Variants in CTNNA3 observed in about 807,000 individuals in gnomAD.
CTNNA3 encodes the protein catenin alpha 3.
Under a neutral mutation model 95.7 loss-of-function variants are expected in CTNNA3, and 76 were observed. The observed-to-expected ratio is 0.79, with a 90% CI of 0.66 to 0.96. The LOEUF is 0.96. Among genes scored for constraint, CTNNA3 ranks in the 40% least tolerant of loss-of-function variants. The pLI, the probability that CTNNA3 is intolerant of heterozygous loss-of-function variation, is 0.00. For synonymous variants in CTNNA3, 431 were observed against 374.4 expected (o/e 1.15, Z -1.74); for missense variants, 1,191 against 1,089.8 (o/e 1.09, Z -1.31).
chr10:66,031,206 G>C (rs1589269860), intron 15 of CTNNA3, among the ~76,000 whole-genome samples: 1 of 152,164 alleles, frequency 6.6e-6, no homozygotes, highest in East Asian at 1.9e-4. Context: ...CTATTATTGG[G>C]TACATGCCCA....
At chr10:66,862,762 A>G (rs757382189) in intron 7 of CTNNA3, among the ~76,000 whole-genome samples, 1 of 152,024 alleles carries the variant, frequency 6.6e-6, no homozygotes, top group Non-Finnish European at 1.5e-5. Flanking sequence ...CAGCTGTTTG[A>G]TCAAATATCA....
chr10:66,069,733 A>G (rs1326808261), intron 14 of CTNNA3, among the ~76,000 whole-genome samples: 1 of 152,172 alleles, frequency 6.6e-6, no homozygotes, highest in Non-Finnish European at 1.5e-5. Context: ...TTGGTGTCCA[A>G]CATACTTAAA....
intron 10 of CTNNA3, among the ~76,000 whole-genome samples, chr10:66,558,159 G>A (rs67575933): frequency 0.047 from 7,187 of 152,114 alleles, 489 homozygotes; most frequent in East Asian, 0.33. Context: ...GGAAAAGGCT[G>A]CAGGTACATT....
chr10:67,671,787 CT>C (rs1366804717), intron 1 of CTNNA3, among the ~76,000 whole-genome samples: 1 of 151,810 alleles, frequency 6.6e-6, no homozygotes, highest in Non-Finnish European at 1.5e-5. Context: ...GGTTCCAAGT[CT>C]TTGCTATTGT....
chr10:66,669,687 G>A (rs896954078), intron 9 of CTNNA3, among the ~76,000 whole-genome samples: 1 of 152,200 alleles, frequency 6.6e-6, no homozygotes, highest in African/African-American at 2.4e-5. Context: ...GGTGGAGGAT[G>A]GGACAGGAAC....
At chr10:66,323,240 C>A (rs1445797774) in intron 12 of CTNNA3, among the ~76,000 whole-genome samples, 1 of 151,938 alleles carries the variant, frequency 6.6e-6, no homozygotes, top group East Asian at 1.9e-4. Flanking sequence ...CACTAAGTAT[C>A]TATTTTATAA....
intron 3 of CTNNA3, among the ~76,000 whole-genome samples, chr10:67,560,437 T>G (rs934951201): frequency 6.6e-6 from 1 of 152,148 alleles, no homozygotes; most frequent in Non-Finnish European, 1.5e-5. Flanking sequence ...AAGCAAATGC[T>G]GAGAGATTTT....
chr10:66,070,688 A>G lies in CTNNA3; in HGVS notation c.1978-1199T>C, dbSNP rs375286276. ...TGGAATGCCACTGATTTCCAATATG[A>G]CCTTGAGGAAGTTACCTAACCCTCC... On this transcript the variant is annotated intron_variant, in intron 14 of 17. Coordinates refer to ENST00000433211, the MANE Select transcript of CTNNA3 (RefSeq NM_013266.4). Among the ~76,000 whole-genome samples the G allele has an allele frequency of 3.8e-4, 58 of 152,234 alleles. 1 individual carries two copies. In the South Asian group the frequency reaches 0.012, roughly 31 times the overall value.
intron 7 of CTNNA3, among the ~76,000 whole-genome samples, chr10:66,841,116 T>C (rs1843052557): frequency 1.3e-5 from 2 of 152,210 alleles, no homozygotes; most frequent in South Asian, 4.2e-4. Flanking sequence ...GTTTTCCCTA[T>C]TAAAAGAAGA....
At chr10:67,693,500 T>C (rs1184847949) in intron 1 of CTNNA3, among the ~76,000 whole-genome samples, 1 of 152,126 alleles carries the variant, frequency 6.6e-6, no homozygotes, top group Non-Finnish European at 1.5e-5. Flanking sequence ...CTTAATCCCT[T>C]CTATTCCAAA....
At chr10:67,676,574 C>T (rs1564824121) in intron 1 of CTNNA3, among the ~76,000 whole-genome samples, 1 of 152,168 alleles carries the variant, frequency 6.6e-6, no homozygotes, top group Non-Finnish European at 1.5e-5. Flanking sequence ...CATCTTCATT[C>T]ACATGCCACA....
rs116545452 is a variant in CTNNA3 at position 66,739,620 on chromosome 10, T to C, written c.1281+26644A>G. ...AGATTATCTTATATATAGATAGCTA[T>C]TTAAAAGCTAGTTGGAAATGAAATG... On this transcript the variant is annotated intron_variant, in intron 9 of 17. Transcript: ENST00000433211. Among the ~76,000 whole-genome samples, 1,180 of 152,308 alleles carry C rather than the reference T, an allele frequency of 7.7e-3. 20 individuals carry two copies. The highest frequency in any genetic ancestry group is 0.027 in the African/African-American group (1,118 of 41,568).
intron 13 of CTNNA3, among the ~76,000 whole-genome samples, chr10:66,241,873 A>G (rs1037741997): frequency 3.3e-5 from 5 of 152,244 alleles, no homozygotes; most frequent in African/African-American, 1.2e-4. Flanking sequence ...ATAACCAAAT[A>G]TAAATCTAAG....
At chr10:66,274,113 G>T (rs370792149) in intron 13 of CTNNA3, among the ~76,000 whole-genome samples, 2 of 152,128 alleles carry the variant, frequency 1.3e-5, no homozygotes, top group Non-Finnish European at 2.9e-5. Flanking sequence ...TTTCTGTAAA[G>T]GGTCAGGTAG....
At chr10:66,803,937 G>A (rs551788227) in intron 7 of CTNNA3, among the ~76,000 whole-genome samples, 1 of 149,950 alleles carries the variant, frequency 6.7e-6, no homozygotes, top group South Asian at 2.1e-4. Flanking sequence ...AACTAAAGCA[G>A]TTACAATTAA....
chr10:66,173,128 T>G (rs894804641), intron 13 of CTNNA3, among the ~76,000 whole-genome samples: 2 of 152,206 alleles, frequency 1.3e-5, no homozygotes, highest in Non-Finnish European at 2.9e-5. Context: ...ATGTACATCC[T>G]AATCTATTAG....
intron 12 of CTNNA3, among the ~76,000 whole-genome samples, chr10:66,323,088 C>T (rs1589085063): frequency 1.3e-5 from 2 of 151,884 alleles, no homozygotes; most frequent in Non-Finnish European, 2.9e-5. Flanking sequence ...TTTAAACCTG[C>T]AGCACAAAAG....
chr10:66,844,739 A>C (rs942937601), intron 7 of CTNNA3, among the ~76,000 whole-genome samples: 7 of 152,210 alleles, frequency 4.6e-5, no homozygotes, highest in Admixed American at 4.6e-4. Flanking sequence ...GACAGAGTTG[A>C]TGATTTACAA....
intron 1 of CTNNA3, among the ~76,000 whole-genome samples, chr10:67,694,576 TG>T (rs1840928432): frequency 1.3e-5 from 2 of 152,284 alleles, no homozygotes; most frequent in South Asian, 4.1e-4. Flanking sequence ...AGCATCTAGA[TG>T]TTCAGCAATG....
Sources: gnomAD v4.1 joint callset for allele counts (sites outside exome capture counted in the v4.1 genomes callset) on GRCh38, gnomAD v4.1.1 for gene constraint, MANE v1.5 for transcripts, NCBI Gene and HGNC (gene_info 2026-07-23, HGNC 2026-07-21) for gene names.